Variants in TJP1 observed in about 807,000 individuals in gnomAD.
TJP1 encodes the protein tight junction protein ZO-1.
In TJP1, 43 loss-of-function variants were observed where a neutral mutation model predicts 194.2. The observed-to-expected ratio is 0.22, with a 90% confidence interval of 0.17 to 0.29. TJP1 has a LOEUF of 0.29. Among genes scored for constraint, TJP1 ranks in the 10% least tolerant of loss-of-function variants. The pLI, the probability that TJP1 is intolerant of heterozygous loss-of-function variation, is 1.00. For synonymous variants in TJP1, 801 were observed against 779.0 expected (o/e 1.03, Z -0.47); for missense variants, 1,971 against 2,185.7 (o/e 0.90, Z 1.96).
At chr15:29,714,971 A>G (rs911816102) in intron 23 of TJP1, among the ~76,000 whole-genome samples, 2 of 152,264 alleles carry the variant, frequency 1.3e-5, no homozygotes, top group Non-Finnish European at 2.9e-5. Flanking sequence ...AGTAAAAATA[A>G]TAACTAAAGG....
intron 2 of TJP1, among the ~76,000 whole-genome samples, chr15:29,790,067 C>A (rs1343786497): frequency 1.3e-5 from 2 of 152,146 alleles, no homozygotes; most frequent in Non-Finnish European, 2.9e-5. Context: ...ACACTATGGC[C>A]CACAGTTGGA....
intron 8 of TJP1, among the ~76,000 whole-genome samples, chr15:29,744,512 AAT>A (rs1173233544): frequency 6.6e-6 from 1 of 152,208 alleles, no homozygotes; most frequent in Non-Finnish European, 1.5e-5. Flanking sequence ...GTACCAAGAC[AAT>A]ATATATTTTA....
At chr15:29,842,367 G>A (rs142216874) in intron 2 of TJP1, among the ~76,000 whole-genome samples, 2,594 of 152,226 alleles carry the variant, frequency 0.017, 27 homozygotes, top group Non-Finnish European at 0.024. Context: ...CCATTATCAG[G>A]AATAATTAAT....
At chr15:29,703,731 C>G (rs1198994066) in intron 27 of TJP1, among the ~76,000 whole-genome samples, 1 of 152,024 alleles carries the variant, frequency 6.6e-6, no homozygotes, top group African/African-American at 2.4e-5. Flanking sequence ...CAATCTCCGC[C>G]TCCCTGGCTC....
In TJP1 at chr15:29,732,541, T is replaced by A. The variant is rs767961846; in HGVS notation, c.1922-13A>T. On this transcript the variant is annotated splice_polypyrimidine_tract_variant and intron_variant, in intron 14 of 27. Coordinates refer to ENST00000614355, the MANE Select transcript of TJP1 (RefSeq NM_001330239.4). Reference sequence around the variant, plus strand: ...CTCAGAAATCCAGCTGGAGAGAAATTCACATGAAAAACAGCATATTTTATA... The same window carrying A: ...CTCAGAAATCCAGCTGGAGAGAAATACACATGAAAAACAGCATATTTTATA... 1 of 1,614,036 alleles carries A rather than the reference T, an allele frequency of 6.2e-7. No individual in the cohort carries two copies. Among genetic ancestry groups the A allele is most frequent in the Non-Finnish European group, 8.5e-7 (1 of 1,179,944 alleles).
chr15:29,946,300 G>A (rs1019933437), intron 2 of TJP1, among the ~76,000 whole-genome samples: 3 of 152,354 alleles, frequency 2.0e-5, no homozygotes, highest in South Asian at 4.1e-4. Flanking sequence ...CAGCATAGAC[G>A]TGGCTGATTT....
intron 2 of TJP1, among the ~76,000 whole-genome samples, chr15:29,929,392 CA>C (rs151186175): frequency 0.014 from 2,128 of 152,148 alleles, 49 homozygotes; most frequent in African/African-American, 0.048. Flanking sequence ...GCCTGAAAAC[CA>C]ATAATTTAAA....
At chr15:29,903,108 G>C (rs927202306) in intron 2 of TJP1, among the ~76,000 whole-genome samples, 1 of 152,080 alleles carries the variant, frequency 6.6e-6, no homozygotes, top group African/African-American at 2.4e-5. Flanking sequence ...GCCCTTGCCA[G>C]GCTCCCTGTC....
chr15:29,792,919 T>C (rs2048185398), intron 2 of TJP1, among the ~76,000 whole-genome samples: 1 of 152,254 alleles, frequency 6.6e-6, no homozygotes, highest in South Asian at 2.1e-4. Flanking sequence ...CTAGATTGTT[T>C]GCTCTTGGCA....
At chr15:29,947,941 A>G (rs2055339528) in intron 2 of TJP1, among the ~76,000 whole-genome samples, 2 of 152,160 alleles carry the variant, frequency 1.3e-5, no homozygotes. Flanking sequence ...CCTTGCTACA[A>G]GAGAAAAATG....
Position 29,726,777 on chromosome 15 carries a change from T to C in TJP1, c.2311+4A>G. On this transcript the variant is annotated splice_donor_region_variant and intron_variant, in intron 17 of 27. Coordinates refer to ENST00000614355, the MANE Select transcript of TJP1 (RefSeq NM_001330239.4). Reference sequence around the variant, plus strand: ...TGAAAGAAGGCCTTTATTAACATACTCACTTGTAAAAAGATGGTGATTATT... The same window carrying C: ...TGAAAGAAGGCCTTTATTAACATACCCACTTGTAAAAAGATGGTGATTATT... 6.2e-7 allele frequency: 1 copy of C among 1,613,586 alleles called. No homozygotes were observed. The highest frequency in any genetic ancestry group is 8.5e-7 in the Non-Finnish European group (1 of 1,179,628).
intron 2 of TJP1, among the ~76,000 whole-genome samples, chr15:29,924,752 C>T (rs923727090): frequency 6.6e-6 from 1 of 152,022 alleles, no homozygotes; most frequent in African/African-American, 2.4e-5. Context: ...GAAATCTCAG[C>T]CATGAGATTC....
At chr15:29,791,582 G>C (rs1003141519) in intron 2 of TJP1, among the ~76,000 whole-genome samples, 1 of 150,954 alleles carries the variant, frequency 6.6e-6, no homozygotes, top group Non-Finnish European at 1.5e-5. Context: ...CACCACGCTC[G>C]GCTGGTTTCA....
intron 11 of TJP1, among the ~76,000 whole-genome samples, chr15:29,735,805 T>C (rs1040983563): frequency 2.0e-5 from 3 of 152,078 alleles, no homozygotes; most frequent in South Asian, 4.1e-4. Context: ...CAGATGGAAA[T>C]AGGTCTGAAG....
intron 2 of TJP1, among the ~76,000 whole-genome samples, chr15:29,789,177 T>A (rs2047909886): frequency 6.6e-6 from 1 of 152,180 alleles, no homozygotes; most frequent in Non-Finnish European, 1.5e-5. Flanking sequence ...CATATGTGGT[T>A]TATATTATAC....
chr15:29,868,748 G>T (rs568764934), intron 2 of TJP1, among the ~76,000 whole-genome samples: 3 of 152,186 alleles, frequency 2.0e-5, no homozygotes, highest in Admixed American at 1.3e-4. Context: ...ATCAGTTCTG[G>T]GGACATAAGA....
At chr15:29,790,870 G>A (rs2048034418) in intron 2 of TJP1, among the ~76,000 whole-genome samples, 1 of 151,528 alleles carries the variant, frequency 6.6e-6, no homozygotes, top group African/African-American at 2.4e-5. Context: ...GCAAATGACA[G>A]GATTTCATTA....
In TJP1 at chr15:29,848,199, G is replaced by A. The variant is rs909277200; in HGVS notation, c.307-47497C>T. Among the ~76,000 whole-genome samples, 4 of 151,980 alleles carry A rather than the reference G, an allele frequency of 2.6e-5. No individual in the cohort carries two copies. In the South Asian group the frequency reaches 8.3e-4, roughly 32 times the overall value. On this transcript the variant is annotated intron_variant, in intron 2 of 28. Coordinates refer to the TJP1 transcript ENST00000356107. ...AAAAAAAGTTTCTGCTGAGGGTTGG[G>A]TTACTGTTCTGCAGATGTTAATCAG... is the stretch of plus-strand genomic sequence containing the variant.
intron 2 of TJP1, among the ~76,000 whole-genome samples, chr15:29,835,136 A>G (rs2050983096): frequency 6.6e-6 from 1 of 152,140 alleles, no homozygotes; most frequent in Non-Finnish European, 1.5e-5. Flanking sequence ...TCTAGGTTAA[A>G]AGCTGAAGAT....
Sources: allele counts gnomAD v4.1 joint callset (sites outside exome capture counted in the v4.1 genomes callset), GRCh38; gene constraint gnomAD v4.1.1; transcripts MANE v1.5; gene names NCBI Gene and HGNC (gene_info 2026-07-23, HGNC 2026-07-21).